GDF1: variants seen among roughly 807,000 people sequenced by gnomAD.
GDF1 encodes embryonic growth/differentiation factor 1.
Under a neutral mutation model 7.4 loss-of-function variants are expected in GDF1, and 8 were observed. The observed-to-expected ratio is 1.09, with a 90% CI of 0.64 to 1.96. The LOEUF (loss-of-function observed/expected upper bound fraction) is 1.96. GDF1 is among the 30% of genes most tolerant of loss of function. GDF1 has a pLI of 0.00. For synonymous variants in GDF1, 311 were observed against 276.7 expected (o/e 1.12, Z -1.23); for missense variants, 574 against 551.5 (o/e 1.04, Z -0.41).
Position 18,879,319 on chromosome 19 carries a change from C to G in GDF1, c.-501G>C. 6.2e-7 allele frequency: 1 copy of G among 1,610,306 alleles called. No individual in the cohort carries two copies. Among genetic ancestry groups the G allele is most frequent in the Non-Finnish European group, 8.5e-7 (1 of 1,178,374 alleles). On this transcript the variant is annotated 5_prime_UTR_variant, in exon 5 of 8. Coordinates refer to ENST00000247005, the MANE Select transcript of GDF1 (RefSeq NM_001492.6). ...AGAAGTAGAAGGGGATGTCAGGCAC[C>G]GTGCGCAGACTGCAGTGACTGGTGG... is the stretch of plus-strand genomic sequence containing the variant.
At chr19:18,874,611 G>A (rs1244603307) in intron 6 of GDF1, among the ~76,000 whole-genome samples, 1 of 152,242 alleles carries the variant, frequency 6.6e-6, no homozygotes, top group African/African-American at 2.4e-5. Context: ...GCCCCTGAGA[G>A]GGCAATGGGG....
intron 6 of GDF1, among the ~76,000 whole-genome samples, chr19:18,872,390 C>G (rs1219094849): frequency 6.6e-6 from 1 of 152,316 alleles, no homozygotes. Context: ...CTCTGTCGCC[C>G]AGGCTGGAGT....
At chr19:18,883,672 G>A (rs987789847) in intron 3 of GDF1, among the ~76,000 whole-genome samples, 2 of 152,218 alleles carry the variant, frequency 1.3e-5, no homozygotes, top group Non-Finnish European at 2.9e-5. Flanking sequence ...GCTCACTGAC[G>A]GCTGTGGTTG....
intron 2 of GDF1, among the ~76,000 whole-genome samples, chr19:18,890,640 G>C (rs2056466755): frequency 6.6e-6 from 1 of 151,372 alleles, no homozygotes; most frequent in Non-Finnish European, 1.5e-5. Context: ...AATTCGCTGG[G>C]GGTGGTGGCA....
chr19:18,877,568 A>G (rs1206111758), intron 6 of GDF1, among the ~76,000 whole-genome samples: 2 of 152,096 alleles, frequency 1.3e-5, no homozygotes, highest in Non-Finnish European at 2.9e-5. Context: ...CCTGAGCAAC[A>G]TGAGGAAACC....
At chr19:18,884,917 T>C (rs2097800747) in intron 2 of GDF1, among the ~76,000 whole-genome samples, 1 of 151,308 alleles carries the variant, frequency 6.6e-6, no homozygotes, top group East Asian at 1.9e-4. Context: ...GCTTTTGCCA[T>C]GTTGGACAGA....
chr19:18,884,772 G>A (rs561193359), intron 2 of GDF1, among the ~76,000 whole-genome samples: 8 of 139,006 alleles, frequency 5.8e-5, no homozygotes, highest in East Asian at 4.3e-4. Flanking sequence ...GGAGTGCAGC[G>A]GCACGATCTC....
rs771422568 is a variant in GDF1, at chr19:18,884,176, T to C, written c.-822A>G. 6.2e-6 allele frequency: 10 copies of C among 1,613,464 alleles called. No individual in the cohort carries two copies. The highest frequency in any genetic ancestry group is 6.8e-6 in the Non-Finnish European group (8 of 1,179,810). On this transcript the variant is annotated 5_prime_UTR_variant, in exon 3 of 8. Transcript: ENST00000247005. ...AGTCCTTGCGCCAGGTGTCCATGTA[T>C]AGCGTAGCGTAGATGGAGTGGCCAT...
intron 2 of GDF1, among the ~76,000 whole-genome samples, chr19:18,887,566 G>A (rs1044827394): frequency 1.3e-5 from 2 of 152,074 alleles, no homozygotes; most frequent in Non-Finnish European, 2.9e-5. Flanking sequence ...CCAACATGGC[G>A]AAACCCTGTC....
chr19:18,886,803 G>A (rs2056372466), intron 2 of GDF1, among the ~76,000 whole-genome samples: 1 of 152,138 alleles, frequency 6.6e-6, no homozygotes, highest in Non-Finnish European at 1.5e-5. Context: ...ATCTCGGCCT[G>A]GCCCCTTCTG....
rs1438643656 is a variant in GDF1 at position 18,868,609 on chromosome 19, G to A, written c.1107C>T (p.Cys369=). ...TGCCCGCCCCGGGTTAGCGGCAGCC[G>A]CACTCGTCCACCACCATGTCCTCAT... ...RQYEDMVVDE[C]GCR Residue 369 remains cysteine (C), a synonymous_variant, in exon 8 of 8, where the codon TGC becomes TGT. Coordinates refer to ENST00000247005, the MANE Select transcript of GDF1 (RefSeq NM_001492.6). The A allele has an allele frequency of 1.9e-6, 3 of 1,559,914 alleles. No individual in the cohort carries two copies. The highest frequency in any genetic ancestry group is 1.7e-6 in the Non-Finnish European group (2 of 1,152,102).
chr19:18,879,034 G>A lies in GDF1; in HGVS notation c.-417C>T, dbSNP rs377364343. 1.3e-5 allele frequency: 21 copies of A among 1,613,272 alleles called. No individual in the cohort carries two copies. The highest frequency in any genetic ancestry group is 2.7e-5 in the African/African-American group (2 of 74,906). ...TCAACACCTTGGCTGCAAACGCCAC[G>A]ATGTACTGCGAGAGGGGAGGGGAGG... On this transcript the variant is annotated 5_prime_UTR_variant, in exon 6 of 8. Transcript: ENST00000247005.
chr19:18,879,371 T>C lies in GDF1; in HGVS notation c.-553A>G, dbSNP rs1384221823. Reference sequence around the variant, plus strand: ...ATACAGGACCTTGAGCGGGAACCAGTAGAGGCGGAACCAGAACCTGCGGTG... The same window carrying C: ...ATACAGGACCTTGAGCGGGAACCAGCAGAGGCGGAACCAGAACCTGCGGTG... On this transcript the variant is annotated 5_prime_UTR_variant, in exon 5 of 8. Transcript: ENST00000247005. The C allele has an allele frequency of 2.5e-6, 4 of 1,573,618 alleles. No individual in the cohort carries two copies. Among genetic ancestry groups the C allele is most frequent in the Non-Finnish European group, 3.4e-6 (4 of 1,160,014 alleles).
At chr19:18,869,869 G>T in intron 7 of GDF1, 114 bp downstream of exon 7, 1 of 1,036,088 alleles carries the variant, frequency 9.7e-7, no homozygotes, top group Non-Finnish European at 1.4e-6. Flanking sequence ...TAGTAGCCTG[G>T]ACAGGGCGGG....
intron 2 of GDF1, among the ~76,000 whole-genome samples, chr19:18,888,791 T>C (rs1568304870): frequency 1.3e-5 from 2 of 150,844 alleles, no homozygotes; most frequent in Non-Finnish European, 1.5e-5. Context: ...GATCGTGGCA[T>C]TGTACTCCAG....
intron 6 of GDF1, among the ~76,000 whole-genome samples, chr19:18,875,871 G>A (rs1416252001): frequency 1.3e-5 from 2 of 152,248 alleles, no homozygotes; most frequent in Non-Finnish European, 2.9e-5. Flanking sequence ...GGAGCCACCA[G>A]AAGCCCAAGA....
At position 18,868,553 on chromosome 19, in the gene GDF1, C is replaced by CGGTCT. The variant is rs1224662668; in HGVS notation, c.*43_*44insAGACC. 1.9e-5 allele frequency: 28 copies of CGGTCT among 1,445,194 alleles called. No homozygotes were observed. The highest frequency in any genetic ancestry group is 2.6e-5 in the Non-Finnish European group (27 of 1,053,876). 89.5% of individuals were successfully genotyped at this position (1,445,194 alleles called of 1,614,324 possible). On this transcript the variant is annotated 3_prime_UTR_variant, in exon 8 of 8. Coordinates refer to ENST00000247005, the MANE Select transcript of GDF1 (RefSeq NM_001492.6). ...GTCCAAGGAGACCAGCGGAGCAGAC[C>CGGTCT]ACGCGGCATTTATTGTTGGGCCCGC...
Position 18,870,348 on chromosome 19 carries a change from G to C in GDF1, c.-41C>G. ...TGACCAGAGAGTGCGCAGGGTCCGC[G>C]GCGGCCCGGGACCAGTGGGCTGAGG... On this transcript the variant is annotated 5_prime_UTR_variant, in exon 7 of 8. Transcript: ENST00000247005. The surrounding 1 kb of genome is among the most constrained non-coding windows in gnomAD (Gnocchi z 5.1). 1.9e-6 allele frequency: 3 copies of C among 1,541,892 alleles called. No individual in the cohort carries two copies. The highest frequency in any genetic ancestry group is 2.6e-6 in the Non-Finnish European group (3 of 1,145,604).
intron 6 of GDF1, among the ~76,000 whole-genome samples, chr19:18,875,949 A>G (rs1555703591): frequency 6.6e-6 from 1 of 152,204 alleles, no homozygotes; most frequent in Non-Finnish European, 1.5e-5. Flanking sequence ...GATTTTGAAC[A>G]TCTGTCATCC....
Sources: gnomAD v4.1 joint callset for allele counts (sites outside exome capture counted in the v4.1 genomes callset) on GRCh38, gnomAD v4.1.1 for gene constraint, Gnocchi (gnomAD v3.1) non-coding constraint, MANE v1.5 for transcripts, NCBI Gene and HGNC (gene_info 2026-07-23, HGNC 2026-07-21) for gene names.